Variants in SH3KBP1 observed in about 807,000 individuals in gnomAD.
SH3KBP1 encodes the protein SH3 domain-containing kinase-binding protein 1.
In SH3KBP1, 8 loss-of-function variants were observed where a neutral mutation model predicts 50.1. That is an observed-to-expected ratio of 0.16 (90% confidence interval 0.09 to 0.29). The LOEUF (loss-of-function observed/expected upper bound fraction) is 0.29, where lower values mean the gene tolerates loss of function less well. SH3KBP1 is among the 10% of genes least tolerant of loss of function. The pLI is 1.00. For missense variants in SH3KBP1, 377 were observed against 535.2 expected, an observed-to-expected ratio of 0.70 and a Z score of 2.92; for synonymous variants, 227 against 218.6, an observed-to-expected ratio of 1.04 and a Z score of -0.34.
intron 1 of SH3KBP1, among the ~76,000 whole-genome samples, chrX:19,856,403 T>C (rs1312440501): frequency 8.9e-6 from 1 of 111,762 alleles, no homozygotes; most frequent in Non-Finnish European, 1.9e-5. Flanking sequence ...AAGTAACTAT[T>C]GGGTTATTTT....
intron 8 of SH3KBP1, among the ~76,000 whole-genome samples, chrX:19,616,209 G>A (rs760217992): frequency 9.0e-6 from 1 of 110,981 alleles, no homozygotes; most frequent in Admixed American, 9.6e-5. Flanking sequence ...TGATCTGCCC[G>A]CCTCGGCCCT....
chrX:19,833,346 G>C (rs1261218290), intron 2 of SH3KBP1, among the ~76,000 whole-genome samples: 1 of 93,182 alleles, frequency 1.1e-5, no homozygotes, highest in East Asian at 3.4e-4. Flanking sequence ...CCTTCCCAGG[G>C]TCCCCCTACC....
intron 9 of SH3KBP1, among the ~76,000 whole-genome samples, chrX:19,596,580 T>C (rs1437867579): frequency 8.9e-6 from 1 of 111,987 alleles, no homozygotes; most frequent in Non-Finnish European, 1.9e-5. Flanking sequence ...TTCTGTATCA[T>C]GCGATGCTGT....
At chrX:19,583,624 G>A (rs1019048488) in intron 12 of SH3KBP1, among the ~76,000 whole-genome samples, 1 of 109,949 alleles carries the variant, frequency 9.1e-6, no homozygotes, top group South Asian at 3.8e-4. Context: ...CTTCATGTGC[G>A]TTTCCACTTG....
At chrX:19,797,316 C>T (rs1023878199) in intron 2 of SH3KBP1, among the ~76,000 whole-genome samples, 2 of 111,104 alleles carry the variant, frequency 1.8e-5, no homozygotes, top group African/African-American at 6.6e-5. Flanking sequence ...GCCAGCCAAG[C>T]AAGGAGCCAA....
intron 3 of SH3KBP1, among the ~76,000 whole-genome samples, chrX:19,743,272 T>C (rs946207871): frequency 9.1e-6 from 1 of 109,883 alleles, no homozygotes; most frequent in Non-Finnish European, 1.9e-5. Flanking sequence ...CCAGGTGTGG[T>C]AGCTCGTACC....
chrX:19,745,119 T>C (rs1015802625), intron 3 of SH3KBP1, among the ~76,000 whole-genome samples: 4 of 112,528 alleles, frequency 3.6e-5, no homozygotes, highest in Non-Finnish European at 7.5e-5. Context: ...GTTTGAGAGC[T>C]TACTTGCAAG....
intron 13 of SH3KBP1, among the ~76,000 whole-genome samples, chrX:19,557,171 C>A (rs1271528589): frequency 8.9e-6 from 1 of 112,241 alleles, no homozygotes; most frequent in Non-Finnish European, 1.9e-5. Context: ...ACAGGGCCCA[C>A]ACACAGATTC....
chrX:19,610,483 A>C (rs1397438734), intron 8 of SH3KBP1, among the ~76,000 whole-genome samples: 1 of 112,379 alleles, frequency 8.9e-6, no homozygotes, highest in African/African-American at 3.2e-5. Context: ...TAAGAAACTG[A>C]CTATGATGAA....
chrX:19,683,360 T>G (rs2063100647), intron 6 of SH3KBP1: 1 of 367,419 alleles, frequency 2.7e-6, no homozygotes, highest in South Asian at 2.4e-5. Context: ...AGTCTGAAAT[T>G]ATCTCCAACT....
At chrX:19,870,884 G>A (rs940015552) in intron 1 of SH3KBP1, among the ~76,000 whole-genome samples, 5 of 111,364 alleles carry the variant, frequency 4.5e-5, no homozygotes, top group Admixed American at 2.9e-4. Flanking sequence ...ACAACCTCAC[G>A]GCCGAAGCAC....
intron 1 of SH3KBP1, among the ~76,000 whole-genome samples, chrX:19,876,111 C>T (rs1024750698): frequency 1.1e-4 from 12 of 112,300 alleles, no homozygotes; most frequent in Non-Finnish European, 1.7e-4. Flanking sequence ...GTAATCCTAG[C>T]GCTTTGGGAG....
chrX:19,759,074 G>A (rs745850066), intron 2 of SH3KBP1, among the ~76,000 whole-genome samples: 34 of 112,214 alleles, frequency 3.0e-4, no homozygotes, highest in South Asian at 1.1e-3. Flanking sequence ...GAATTAGCTC[G>A]CCATTATGAA....
intron 6 of SH3KBP1, among the ~76,000 whole-genome samples, chrX:19,680,398 A>C (rs1490391597): frequency 9.2e-6 from 1 of 109,041 alleles, no homozygotes; most frequent in Non-Finnish European, 1.9e-5. Flanking sequence ...AAAAAAAAAA[A>C]AAAACTTCAC....
intron 7 of SH3KBP1, among the ~76,000 whole-genome samples, chrX:19,643,330 T>A (rs1299857326): frequency 3.8e-4 from 35 of 92,171 alleles, no homozygotes; most frequent in African/African-American, 1.4e-3. Flanking sequence ...TTATTTTTTT[T>A]TTTTTTTGAG....
intron 13 of SH3KBP1, among the ~76,000 whole-genome samples, chrX:19,566,156 A>T (rs1394406334): frequency 9.0e-6 from 1 of 110,522 alleles, no homozygotes; most frequent in Non-Finnish European, 1.9e-5. Flanking sequence ...AAATACCATT[A>T]ACTTGAGAAG....
chrX:19,854,130 T>C (rs757116281), intron 1 of SH3KBP1, among the ~76,000 whole-genome samples: 3 of 110,392 alleles, frequency 2.7e-5, no homozygotes, highest in South Asian at 3.9e-4. Flanking sequence ...TTCTTTCTTT[T>C]TTTGAGATGG....
intron 2 of SH3KBP1, among the ~76,000 whole-genome samples, chrX:19,764,872 G>A (rs1170948780): frequency 1.9e-5 from 2 of 105,480 alleles, no homozygotes; most frequent in Non-Finnish European, 3.9e-5. Flanking sequence ...GCAGTGGTGC[G>A]ATCTTGGCTC....
intron 2 of SH3KBP1, among the ~76,000 whole-genome samples, chrX:19,753,650 T>C (rs1328781872): frequency 3.6e-5 from 4 of 111,704 alleles, no homozygotes; most frequent in Non-Finnish European, 5.6e-5. Flanking sequence ...TCTGAGAATA[T>C]GGCAGACTAC....
Sources: allele counts gnomAD v4.1 joint callset (sites outside exome capture counted in the v4.1 genomes callset), GRCh38; gene constraint gnomAD v4.1.1; transcripts MANE v1.5; gene names NCBI Gene and HGNC (gene_info 2026-07-23, HGNC 2026-07-21).